Variants in CCDC7 observed in about 807,000 individuals in gnomAD.
CCDC7 encodes coiled-coil domain-containing protein 7.
CCDC7 carries 183 observed loss-of-function variants against 196.9 expected under a neutral mutation model. The observed-to-expected ratio is 0.93, with a 90% CI of 0.82 to 1.05. The LOEUF is 1.05. Ranked by LOEUF, CCDC7 falls within the 50% of genes least tolerant of loss-of-function variation. The pLI is 0.00. For synonymous variants in CCDC7, 525 were observed against 484.6 expected, an observed-to-expected ratio of 1.08 and a Z score of -1.10; for missense variants, 1,540 against 1,482.2, an observed-to-expected ratio of 1.04 and a Z score of -0.64.
intron 31 of CCDC7, among the ~76,000 whole-genome samples, chr10:32,815,539 A>T (rs1472717783): frequency 6.6e-6 from 1 of 152,194 alleles, no homozygotes; most frequent in Admixed American, 6.5e-5. Context: ...TGGGAATACC[A>T]GAAGGAGAGT....
rs575071491 is a variant in CCDC7, at chr10:32,782,121, AC to A, written c.3013+3038del. ...TAACCAAGAAGGCAAAAGGCAAAAGACTTGTATACTGAAAACTACCATATAA... is the reference window on the plus strand; with the variant it reads ...TAACCAAGAAGGCAAAAGGCAAAAGATTGTATACTGAAAACTACCATATAA... On this transcript the variant is annotated intron_variant, in intron 29 of 41. Coordinates refer to ENST00000639629, the Ensembl canonical transcript of CCDC7. Among the ~76,000 whole-genome samples, 227 of 152,348 alleles carry A rather than the reference AC, an allele frequency of 1.5e-3. 2 individuals are homozygous for A. The highest frequency in any genetic ancestry group is 5.2e-3 in the African/African-American group (216 of 41,590).
At chr10:32,461,709 G>GTGTA (rs1471520620) in intron 3 of CCDC7, among the ~76,000 whole-genome samples, 94 of 57,480 alleles carry the variant, frequency 1.6e-3, no homozygotes, top group African/African-American at 6.6e-3. Context: ...GTGTGTGTGT[G>GTGTA]TATATATATA....
At chr10:32,855,132 A>G (rs2093699993) in intron 41 of CCDC7, among the ~76,000 whole-genome samples, 1 of 152,082 alleles carries the variant, frequency 6.6e-6, no homozygotes, top group South Asian at 2.1e-4. Flanking sequence ...TATCAGTACC[A>G]CTCAAAGTGA....
At chr10:32,668,192 A>G (rs1351052087) in intron 21 of CCDC7, among the ~76,000 whole-genome samples, 2 of 152,166 alleles carry the variant, frequency 1.3e-5, no homozygotes, top group Non-Finnish European at 2.9e-5. Flanking sequence ...GTGTATAAGA[A>G]TGCTTGTGAT....
intron 25 of CCDC7, among the ~76,000 whole-genome samples, chr10:32,716,698 G>A (rs1218454816): frequency 6.6e-6 from 1 of 152,118 alleles, no homozygotes; most frequent in Non-Finnish European, 1.5e-5. Context: ...ATGGGATGGA[G>A]GAATATTTAC....
intron 8 of CCDC7, among the ~76,000 whole-genome samples, chr10:32,485,594 C>T (rs1206113571): frequency 2.0e-5 from 3 of 152,076 alleles, no homozygotes; most frequent in African/African-American, 4.8e-5. Context: ...GTTAGGGTGT[C>T]CATTTTAGAG....
chr10:32,490,922 G>A (rs1008295381), intron 8 of CCDC7, among the ~76,000 whole-genome samples: 1 of 152,094 alleles, frequency 6.6e-6, no homozygotes, highest in South Asian at 2.1e-4. Context: ...GCTTCTCCCA[G>A]TATCCTATTT....
intron 20 of CCDC7, among the ~76,000 whole-genome samples, chr10:32,653,380 A>C (rs1480428860): frequency 6.6e-6 from 1 of 151,710 alleles, no homozygotes; most frequent in Non-Finnish European, 1.5e-5. Flanking sequence ...CCACCCCCTG[A>C]TACTTTCCTC....
rs114696618 is a variant in CCDC7 at position 32,629,290 on chromosome 10, A to T, written c.1802-4964A>T. Among the ~76,000 whole-genome samples the T allele has an allele frequency of 1.9e-3, 295 of 151,976 alleles. 3 individuals are homozygous for T. The highest frequency in any genetic ancestry group is 6.8e-3 in the African/African-American group (282 of 41,462). On this transcript the variant is annotated intron_variant, in intron 18 of 41. Transcript: ENST00000639629. ...TTTTACAGTTTTTGACTGGAAGTTT[A>T]TTTTTTTGATATAAGTATAGTGACC...
rs2091646863 is a variant in CCDC7 at position 32,828,492 on chromosome 10, GAAGA to G, written c.3268+3890_3268+3893del. ...GGAAGAGGAAGAGGAAGAGGAAGAA[GAAGA>G]AGAAGAAGAAGAAGAAGAAGAAGAA... On this transcript the variant is annotated intron_variant, in intron 32 of 41. Coordinates refer to ENST00000639629, the Ensembl canonical transcript of CCDC7. Among the ~76,000 whole-genome samples the G allele has an allele frequency of 4.4e-5, 4 of 89,924 alleles. 1 individual carries two copies. Among genetic ancestry groups the G allele is most frequent in the African/African-American group, 1.7e-4 (4 of 22,974 alleles). 59.0% of individuals were successfully genotyped at this position (89,924 alleles called of 152,430 possible).
At chr10:32,846,321 C>A in intron 36 of CCDC7, 55 bp from the exon 38 acceptor site, 1 of 1,037,060 alleles carries the variant, frequency 9.6e-7, no homozygotes, top group Non-Finnish European at 1.5e-6. Context: ...CACGTATACA[C>A]ATGTATGGTA....
chr10:32,608,149 G>T (rs1361063228), intron 18 of CCDC7, among the ~76,000 whole-genome samples: 1 of 151,882 alleles, frequency 6.6e-6, no homozygotes, highest in East Asian at 1.9e-4. Context: ...GGTAACTATT[G>T]TAATGTGTCT....
At chr10:32,536,938 TG>T (rs1252067152) in intron 11 of CCDC7, among the ~76,000 whole-genome samples, 1 of 152,236 alleles carries the variant, frequency 6.6e-6, no homozygotes, top group Non-Finnish European at 1.5e-5. Flanking sequence ...TTTGCTATTG[TG>T]AATAGTGCTG....
At chr10:32,856,149 T>C (rs1453908102) in intron 41 of CCDC7, among the ~76,000 whole-genome samples, 1 of 152,120 alleles carries the variant, frequency 6.6e-6, no homozygotes, top group African/African-American at 2.4e-5. Flanking sequence ...GAGAAAACCA[T>C]ATATTGGATT....
intron 21 of CCDC7, among the ~76,000 whole-genome samples, chr10:32,669,315 T>C (rs917740970): frequency 1.3e-5 from 2 of 152,142 alleles, no homozygotes; most frequent in African/African-American, 2.4e-5. Context: ...TGTTGAGGTT[T>C]TGCATGATCA....
chr10:32,810,659 C>G (rs539548472), intron 30 of CCDC7, among the ~76,000 whole-genome samples: 1 of 152,078 alleles, frequency 6.6e-6, no homozygotes. Context: ...CAGTTTAAAC[C>G]AAATGGCCCT....
intron 29 of CCDC7, among the ~76,000 whole-genome samples, chr10:32,803,059 T>G (rs898385708): frequency 2.0e-5 from 3 of 152,246 alleles, no homozygotes; most frequent in Non-Finnish European, 4.4e-5. Context: ...TTTTATTTCA[T>G]CATAATTTGA....
At chr10:32,817,250 A>C (rs999900598) in intron 31 of CCDC7, among the ~76,000 whole-genome samples, 1 of 152,222 alleles carries the variant, frequency 6.6e-6, no homozygotes, top group Non-Finnish European at 1.5e-5. Context: ...ATGGAAGATC[A>C]AATGAATGAA....
At chr10:32,503,162 T>G (rs1008649873) in intron 9 of CCDC7, among the ~76,000 whole-genome samples, 1 of 152,204 alleles carries the variant, frequency 6.6e-6, no homozygotes, top group Non-Finnish European at 1.5e-5. Context: ...CTAATTGTCC[T>G]GGCTTGGACT....
Sources: gnomAD v4.1 joint callset for allele counts (sites outside exome capture counted in the v4.1 genomes callset) on GRCh38, gnomAD v4.1.1 for gene constraint, MANE v1.5 for transcripts, NCBI Gene and HGNC (gene_info 2026-07-23, HGNC 2026-07-21) for gene names.